Variants in LEMD3 observed in about 807,000 individuals in gnomAD.
The protein encoded by LEMD3 is LEM domain containing 3.
LEMD3 carries 33 observed loss-of-function variants against 95.2 expected under a neutral mutation model. The observed-to-expected ratio is 0.35, with a 90% confidence interval of 0.26 to 0.46. The LOEUF is 0.46. LEMD3 is among the 20% of genes least tolerant of loss of function. The pLI is 1.00. For synonymous variants in LEMD3, 525 were observed against 474.6 expected (o/e 1.11, Z -1.38); for missense variants, 1,210 against 1,192.8 (o/e 1.01, Z -0.21).
At chr12:65,214,545 AG>A (rs1467587380) in intron 2 of LEMD3, among the ~76,000 whole-genome samples, 1 of 152,226 alleles carries the variant, frequency 6.6e-6, no homozygotes, top group Admixed American at 6.5e-5. Flanking sequence ...AACCGATTAA[AG>A]CTGCAATGAC....
At chr12:65,243,073 T>C (rs1870983379) in intron 9 of LEMD3, among the ~76,000 whole-genome samples, 1 of 152,208 alleles carries the variant, frequency 6.6e-6, no homozygotes, top group African/African-American at 2.4e-5. Flanking sequence ...AGTTCCCACA[T>C]AAATTTCACT....
intron 1 of LEMD3, among the ~76,000 whole-genome samples, chr12:65,172,601 A>T (rs2136314598): frequency 6.6e-6 from 1 of 152,288 alleles, no homozygotes; most frequent in East Asian, 1.9e-4. Context: ...AATATTTGGG[A>T]GAAAAAAAAT....
intron 1 of LEMD3, among the ~76,000 whole-genome samples, chr12:65,196,523 C>G (rs1200718744): frequency 6.6e-6 from 1 of 150,866 alleles, no homozygotes; most frequent in African/African-American, 2.5e-5. Flanking sequence ...GGCTGACGTT[C>G]CAGATGGTTG....
intron 1 of LEMD3, among the ~76,000 whole-genome samples, chr12:65,174,855 G>A (rs12315187): frequency 0.035 from 5,394 of 152,228 alleles, 316 homozygotes; most frequent in African/African-American, 0.12. Context: ...GCTAACACAA[G>A]GTATTGCTGG....
Position 65,169,893 on chromosome 12 carries a change from C to G in LEMD3, c.297C>G (p.Ser99=). 4.1e-6 allele frequency: 6 copies of G among 1,452,082 alleles called. No individual in the cohort carries two copies. Among genetic ancestry groups the G allele is most frequent in the African/African-American group, 1.4e-5 (1 of 69,008 alleles). 89.9% of individuals were successfully genotyped at this position (1,452,082 alleles called of 1,614,324 possible). The change falls in exon 1 of 13, where the codon TCC becomes TCG. Residue 99 remains serine, a synonymous_variant. Transcript: ENST00000308330. ...MGVRPVSGDL[S]YLRTPGGLCR... ...TCCGGCCGGTCTCGGGCGACCTCTC[C>G]TACTTACGGACTCCTGGGGGCCTGT...
intron 1 of LEMD3, among the ~76,000 whole-genome samples, chr12:65,172,100 T>C (rs1315744830): frequency 6.6e-6 from 1 of 152,120 alleles, no homozygotes; most frequent in Non-Finnish European, 1.5e-5. Flanking sequence ...GCAAGAGCCT[T>C]CTTGTAGGTT....
At chr12:65,186,675 C>A (rs534633946) in intron 1 of LEMD3, among the ~76,000 whole-genome samples, 2 of 136,284 alleles carry the variant, frequency 1.5e-5, no homozygotes, top group South Asian at 2.4e-4. Flanking sequence ...TTTAAAATTC[C>A]TTTTGGCTAA....
At chr12:65,224,810 G>A (rs981877409) in intron 4 of LEMD3, among the ~76,000 whole-genome samples, 4 of 151,980 alleles carry the variant, frequency 2.6e-5, no homozygotes, top group African/African-American at 9.7e-5. Context: ...TGGTGTTTTT[G>A]TTTTTGTTTT....
chr12:65,189,575 G>C (rs1869174965), intron 1 of LEMD3, among the ~76,000 whole-genome samples: 1 of 152,162 alleles, frequency 6.6e-6, no homozygotes, highest in Non-Finnish European at 1.5e-5. Context: ...CAATGTCAAG[G>C]ACAATGAACA....
At chr12:65,175,747 T>C (rs1183902951) in intron 1 of LEMD3, among the ~76,000 whole-genome samples, 1 of 152,244 alleles carries the variant, frequency 6.6e-6, no homozygotes, top group Non-Finnish European at 1.5e-5. Flanking sequence ...TTTGTATTTT[T>C]ACCTTGGATT....
rs938823786 is a variant in LEMD3, at chr12:65,241,791, C to G, written c.2305+704C>G. On this transcript the variant is annotated intron_variant, in intron 9 of 12. Transcript: ENST00000308330. The stretch of plus-strand genomic sequence containing the variant: ...GAAAAGGTAAGTTGTTTTGGACATG[C>G]AATACAAAGTCCAGTCACTCCTTTT... Among the ~76,000 whole-genome samples the G allele has an allele frequency of 1.1e-4, 16 of 152,126 alleles. 1 individual carries two copies. Among genetic ancestry groups the G allele is most frequent in the South Asian group, 8.3e-4 (4 of 4,834 alleles).
At chr12:65,186,808 G>A (rs1367431775) in intron 1 of LEMD3, among the ~76,000 whole-genome samples, 1 of 151,892 alleles carries the variant, frequency 6.6e-6, no homozygotes, top group East Asian at 1.9e-4. Flanking sequence ...CATAGTGTAT[G>A]GGTTTTGATG....
intron 1 of LEMD3, among the ~76,000 whole-genome samples, chr12:65,177,559 T>G (rs1351794707): frequency 6.6e-6 from 1 of 152,168 alleles, no homozygotes; most frequent in Non-Finnish European, 1.5e-5. Context: ...TCTTGTAGGC[T>G]CTTGTAGATA....
chr12:65,204,892 G>C (rs1056139696), intron 1 of LEMD3, among the ~76,000 whole-genome samples: 1 of 152,096 alleles, frequency 6.6e-6, no homozygotes, highest in African/African-American at 2.4e-5. Context: ...ATTAGTGCTT[G>C]AGTAAATATA....
At chr12:65,237,988 G>A (rs1288341465) in intron 4 of LEMD3, among the ~76,000 whole-genome samples, 1 of 152,192 alleles carries the variant, frequency 6.6e-6, no homozygotes, top group Admixed American at 6.5e-5. Flanking sequence ...GAACTTCCAA[G>A]CCAGGCGCAG....
Position 65,247,435 on chromosome 12 carries a change from T to G in LEMD3, c.*1110T>G, listed in dbSNP as rs1049151728. ...AGCAAAATGTGTATTTGACAAATTA[T>G]ACTTGCAATTTTGGGTCATGAAAGT... On this transcript the variant is annotated 3_prime_UTR_variant, in exon 13 of 13. Transcript: ENST00000308330. 2 of 152,560 alleles carry G rather than the reference T, an allele frequency of 1.3e-5. No individual in the cohort carries two copies. The highest frequency in any genetic ancestry group is 2.9e-5 in the Non-Finnish European group (2 of 68,008). The allele number at this position is 152,560 out of a possible 1,614,324, so 9.5% of individuals were successfully genotyped here.
At chr12:65,243,745 AC>A (rs1473025392) in intron 10 of LEMD3, among the ~76,000 whole-genome samples, 1 of 152,244 alleles carries the variant, frequency 6.6e-6, no homozygotes, top group African/African-American at 2.4e-5. Context: ...TTAATGACTC[AC>A]AATGACAAAG....
At chr12:65,202,118 TCTC>T (rs1869620764) in intron 1 of LEMD3, among the ~76,000 whole-genome samples, 1 of 151,826 alleles carries the variant, frequency 6.6e-6, no homozygotes, top group South Asian at 2.1e-4. Context: ...TTCAAGCAAT[TCTC>T]CTGCTTCGAG....
Position 65,240,343 on chromosome 12 carries a change from T to C in LEMD3, c.2126+105T>C, listed in dbSNP as rs1870897841. 5.9e-6 allele frequency: 5 copies of C among 854,474 alleles called. No individual in the cohort carries two copies. The East Asian group carries it at 9.9e-5, about 17-fold the overall frequency. 52.9% of individuals were successfully genotyped at this position (854,474 alleles called of 1,614,324 possible). A position where few individuals can be genotyped will look rare whatever the true frequency, so the allele number is the denominator to read the frequency against. On this transcript the variant is annotated intron_variant, in intron 8 of 12. Transcript: ENST00000308330. ...TGTGACCCTTCTCAACTAGACTTGC[T>C]TACTGCACAGGTTTTTTTTGGTTTT...
Sources: gnomAD v4.1 joint callset for allele counts (sites outside exome capture counted in the v4.1 genomes callset) on GRCh38, gnomAD v4.1.1 for gene constraint, MANE v1.5 for transcripts, NCBI Gene and HGNC (gene_info 2026-07-23, HGNC 2026-07-21) for gene names.